ZNF831: variants seen among roughly 807,000 people sequenced by gnomAD.
ZNF831 encodes chromosome 20 open reading frame 174.
ZNF831 carries 59 observed loss-of-function variants against 95.8 expected under a neutral mutation model. The ratio of observed to expected loss-of-function variants is 0.62; its 90% CI spans 0.50 to 0.77. The LOEUF (loss-of-function observed/expected upper bound fraction) is 0.77, where lower values mean the gene tolerates loss of function less well. Ranked by LOEUF, ZNF831 falls within the 30% of genes least tolerant of loss-of-function variation. ZNF831 has a pLI of 0.00. For synonymous variants in ZNF831, 961 were observed against 925.5 expected, an observed-to-expected ratio of 1.04 and a Z score of -0.70; for missense variants, 2,205 against 2,164.0, an observed-to-expected ratio of 1.02 and a Z score of -0.38.
At chr20:59,228,603 C>T (rs142802599) in intron 4 of ZNF831, among the ~76,000 whole-genome samples, 1 of 152,170 alleles carries the variant, frequency 6.6e-6, no homozygotes, top group East Asian at 1.9e-4. Flanking sequence ...TTCCATCCTC[C>T]CACGAAGGCT....
intron 4 of ZNF831, among the ~76,000 whole-genome samples, chr20:59,244,837 GTAC>G (rs1568793770): frequency 6.6e-6 from 1 of 152,154 alleles, no homozygotes; most frequent in Non-Finnish European, 1.5e-5. Flanking sequence ...TAGTTTGGAT[GTAC>G]TACTATTTAT....
rs1462446760 is a variant in ZNF831 at position 59,253,096 on chromosome 20, A to G, written c.4146A>G (p.Thr1382=). 1 of 1,614,136 alleles carries G rather than the reference A, an allele frequency of 6.2e-7. No individual in the cohort carries two copies. The highest frequency in any genetic ancestry group is 1.7e-5 in the Admixed American group (1 of 60,026). Residue 1382 remains threonine (T), a synonymous_variant, in exon 5 of 6, where the codon ACA becomes ACG. Transcript: ENST00000371030. The part of the protein sequence containing the change: ...RQTLGTLSLG[T]SSRIVREMDK... The stretch of plus-strand genomic sequence containing the variant: ...CCTTAGGAACCCTCTCTCTTGGTAC[A>G]AGTTCAAGAATTGTCAGGGAAATGG...
At chr20:59,205,392 C>G (rs1215726624) in intron 3 of ZNF831, among the ~76,000 whole-genome samples, 13 of 152,206 alleles carry the variant, frequency 8.5e-5, no homozygotes, top group Admixed American at 7.2e-4. Context: ...ACTGCCTCCC[C>G]CACCAAACTA....
At chr20:59,179,826 G>A (rs1355867754) in intron 1 of ZNF831, among the ~76,000 whole-genome samples, 2 of 152,062 alleles carry the variant, frequency 1.3e-5, no homozygotes, top group Non-Finnish European at 2.9e-5. Flanking sequence ...GGTCCCAATC[G>A]CAGGTAGTAG....
chr20:59,188,748 T>TATATCCAGAAA (rs1983270953), intron 1 of ZNF831, among the ~76,000 whole-genome samples: 1 of 152,258 alleles, frequency 6.6e-6, no homozygotes, highest in South Asian at 2.1e-4. Context: ...ATATCATGCA[T>TATATCCAGAAA]ATAATTTGCA....
At chr20:59,133,715 C>T (rs1361570573) in intron 1 of ZNF831, among the ~76,000 whole-genome samples, 3 of 152,298 alleles carry the variant, frequency 2.0e-5, no homozygotes, top group East Asian at 1.9e-4. Context: ...CTCAAGAGCT[C>T]ATCTCCCTGC....
chr20:59,134,299 T>C (rs1018359203), intron 1 of ZNF831, among the ~76,000 whole-genome samples: 13 of 152,130 alleles, frequency 8.5e-5, no homozygotes, highest in African/African-American at 2.7e-4. Context: ...GTGTCCTTGT[T>C]CGGTTATTTT....
intron 4 of ZNF831, among the ~76,000 whole-genome samples, chr20:59,207,590 TG>T (rs935197309): frequency 2.0e-4 from 31 of 152,242 alleles, no homozygotes; most frequent in African/African-American, 7.2e-4. Flanking sequence ...GCGAACTAAG[TG>T]GGGCTGCTTC....
intron 1 of ZNF831, among the ~76,000 whole-genome samples, chr20:59,125,164 G>A (rs930712305): frequency 6.6e-6 from 1 of 152,228 alleles, no homozygotes; most frequent in Non-Finnish European, 1.5e-5. Flanking sequence ...CCTGGGGACA[G>A]AGCTTGCACA....
At chr20:59,187,829 A>G (rs1983184482) in intron 1 of ZNF831, among the ~76,000 whole-genome samples, 1 of 152,092 alleles carries the variant, frequency 6.6e-6, no homozygotes, top group Non-Finnish European at 1.5e-5. Flanking sequence ...TCTGGCAACC[A>G]CTATAATTTG....
intron 4 of ZNF831, among the ~76,000 whole-genome samples, chr20:59,211,929 T>C (rs1985365132): frequency 6.6e-6 from 1 of 152,132 alleles, no homozygotes; most frequent in Admixed American, 6.5e-5. Flanking sequence ...TGGGGAAACT[T>C]GGTAGAATCC....
At chr20:59,222,661 G>C (rs867568922) in intron 4 of ZNF831, among the ~76,000 whole-genome samples, 2 of 152,162 alleles carry the variant, frequency 1.3e-5, no homozygotes, top group Non-Finnish European at 2.9e-5. Context: ...CAGCAAAGCC[G>C]CCTTCCAAGC....
rs560004518 is a variant in ZNF831 at position 59,124,599 on chromosome 20, T to C, written c.-1425+1094T>C. ...GCCAGACGCCTCCGTGGGTACAGCATGTCCAGGATCGTTGCTGTCTGTTGC... is the reference window on the plus strand; with the variant it reads ...GCCAGACGCCTCCGTGGGTACAGCACGTCCAGGATCGTTGCTGTCTGTTGC... On this transcript the variant is annotated intron_variant, in intron 1 of 7. Transcript: ENST00000637017. Among the ~76,000 whole-genome samples the C allele has an allele frequency of 2.6e-5, 4 of 152,306 alleles. No individual in the cohort carries two copies. In the East Asian group the frequency reaches 7.7e-4, roughly 29 times the overall value.
In ZNF831 at chr20:59,256,921, G is replaced by C. The variant is rs1233849540; in HGVS notation, c.*2178G>C. 1 of 152,220 alleles carries C rather than the reference G, an allele frequency of 6.6e-6. No homozygotes were observed. Among genetic ancestry groups the C allele is most frequent in the East Asian group, 1.9e-4 (1 of 5,198 alleles). The allele number at this position is 152,220 out of a possible 1,614,324, so 9.4% of individuals were successfully genotyped here. ...TTAAAAGCAAAACCAGAACTCTCCA[G>C]TAGGAATGGAGAAAACCTATCTGTA... On this transcript the variant is annotated 3_prime_UTR_variant, in exon 6 of 6. Transcript: ENST00000371030.
In ZNF831 at chr20:59,253,882, TTGCAC is replaced by T; in HGVS notation, c.4189-14_4189-10del. On this transcript the variant is annotated splice_polypyrimidine_tract_variant and intron_variant, in intron 5 of 5. Transcript: ENST00000371030. ...CCTCCCCCCCCACTTTTTTTTTCCTTTGCACTTTGTTGCAGGATATTTCTCCATCT... is the reference window on the plus strand; with the variant it reads ...CCTCCCCCCCCACTTTTTTTTTCCTTTTTGTTGCAGGATATTTCTCCATCT... The T allele has an allele frequency of 1.1e-6, 1 of 893,424 alleles. No individual in the cohort carries two copies. The allele number at this position is 893,424 out of a possible 1,614,324, so 55.3% of individuals were successfully genotyped here. A position where few individuals can be genotyped will look rare whatever the true frequency, so the allele number is the denominator to read the frequency against.
chr20:59,156,527 A>C (rs1980553366), intron 2 of ZNF831, among the ~76,000 whole-genome samples: 1 of 152,160 alleles, frequency 6.6e-6, no homozygotes, highest in African/African-American at 2.4e-5. Context: ...CTCTGTCTCA[A>C]AAATAAATAA....
intron 1 of ZNF831, among the ~76,000 whole-genome samples, chr20:59,171,436 T>G (rs1333745942): frequency 6.6e-6 from 1 of 152,258 alleles, no homozygotes; most frequent in Non-Finnish European, 1.5e-5. Flanking sequence ...ACCCTTTACA[T>G]GCATGTGAAC....
At chr20:59,240,393 G>C (rs997739878) in intron 4 of ZNF831, among the ~76,000 whole-genome samples, 7 of 152,144 alleles carry the variant, frequency 4.6e-5, no homozygotes, top group Admixed American at 3.3e-4. Context: ...AGATGTAAAG[G>C]CTTTTTCTAC....
intron 4 of ZNF831, among the ~76,000 whole-genome samples, chr20:59,218,593 C>CT (rs1182483674): frequency 2.4e-4 from 35 of 148,644 alleles, no homozygotes; most frequent in African/African-American, 8.8e-4. Flanking sequence ...GTTAGCGTGA[C>CT]TGTTTTTTTT....
Sources: gnomAD v4.1 joint callset for allele counts (sites outside exome capture counted in the v4.1 genomes callset) on GRCh38, gnomAD v4.1.1 for gene constraint, MANE v1.5 for transcripts, NCBI Gene and HGNC (gene_info 2026-07-23, HGNC 2026-07-21) for gene names.